GNG7: variants seen among roughly 807,000 people sequenced by gnomAD.
The protein encoded by GNG7 is guanine nucleotide-binding protein G(I)/G(S)/G(O) subunit gamma-7.
In GNG7, 1 loss-of-function variant was observed where a neutral mutation model predicts 4.0. The ratio of observed to expected loss-of-function variants is 0.25; its 90% CI spans 0.09 to 1.18. The LOEUF (loss-of-function observed/expected upper bound fraction) is 1.18, where lower values mean the gene tolerates loss of function less well. Ranked by LOEUF, GNG7 falls within the 50% of genes most tolerant of loss-of-function variation. The probability of loss-of-function intolerance (pLI) is 0.50; values close to 1 mark genes in which losing one functional copy is unlikely to be tolerated. For missense variants in GNG7, 86 were observed against 91.9 expected (o/e 0.94, Z 0.26); for synonymous variants, 34 against 36.9 (o/e 0.92, Z 0.29).
chr19:2,516,911 G>C (rs1030660554), intron 4 of GNG7: 8 of 152,396 alleles, frequency 5.2e-5, no homozygotes, highest in Middle Eastern at 3.4e-3. Context: ...ATGCCTTTGG[G>C]GGTGCCGCTG....
Position 2,633,473 on chromosome 19 carries a change from G to GCA in GNG7, c.-78+12750_-78+12751insTG, listed in dbSNP as rs1491026930. Reference sequence around the variant, plus strand: ...TTCAAGCGGTTGCTTAGCAACAGGCGCGCGCGCGCGCGCGCACACACACAC... The same window carrying GCA: ...TTCAAGCGGTTGCTTAGCAACAGGCGCACGCGCGCGCGCGCGCACACACACAC... On this transcript the variant is annotated intron_variant, in intron 2 of 4. Coordinates refer to ENST00000382159, the MANE Select transcript of GNG7 (RefSeq NM_052847.3). The surrounding 1 kb of genome is among the most constrained non-coding windows in gnomAD (Gnocchi z 5.9). Among the ~76,000 whole-genome samples the GCA allele has an allele frequency of 2.5e-5, 1 of 40,390 alleles. No individual in the cohort carries two copies. The highest frequency in any genetic ancestry group is 5.4e-4 in the East Asian group (1 of 1,848). The allele number at this position is 40,390 out of a possible 152,430, so 26.5% of individuals were successfully genotyped here.
At chr19:2,688,744 T>C (rs1024330691) in intron 1 of GNG7, among the ~76,000 whole-genome samples, 3 of 151,804 alleles carry the variant, frequency 2.0e-5, no homozygotes, top group Non-Finnish European at 4.4e-5. Flanking sequence ...TTAATGACAT[T>C]TGAATAAAGT....
intron 2 of GNG7, among the ~76,000 whole-genome samples, chr19:2,641,597 TG>T (rs1261313863): frequency 6.6e-6 from 1 of 152,080 alleles, no homozygotes; most frequent in Non-Finnish European, 1.5e-5. Flanking sequence ...AAGGAGGGAC[TG>T]GCCTGCCCAC....
At chr19:2,667,321 C>CA (rs1448683439) in intron 1 of GNG7, among the ~76,000 whole-genome samples, 1 of 152,102 alleles carries the variant, frequency 6.6e-6, no homozygotes, top group Admixed American at 6.6e-5. Flanking sequence ...GACTCCCTCT[C>CA]AAAAAACAAA....
chr19:2,691,504 A>G (rs1255933700), intron 1 of GNG7, among the ~76,000 whole-genome samples: 4 of 152,082 alleles, frequency 2.6e-5, no homozygotes, highest in Non-Finnish European at 5.9e-5. Flanking sequence ...AGATTGCATC[A>G]CTACACTCCG....
At position 2,611,628 on chromosome 19, in the gene GNG7, G is replaced by A. The variant is rs1981569370; in HGVS notation, c.-78+34596C>T. 6.6e-6 allele frequency: 1 copy of A among 152,242 alleles called. No individual in the cohort carries two copies. The highest frequency in any genetic ancestry group is 2.4e-5 in the African/African-American group (1 of 41,458). 9.4% of individuals were successfully genotyped at this position (152,242 alleles called of 1,614,324 possible). A position where few individuals can be genotyped will look rare whatever the true frequency, so the allele number is the denominator to read the frequency against. ...AAGGTGGGAGGATAACTTGGGCTCA[G>A]AAGGTCGAGACCAGCCTGGCCAAGA... is the stretch of plus-strand genomic sequence containing the variant. On this transcript the variant is annotated intron_variant, in intron 2 of 4. Transcript: ENST00000382159. This position sits in a 1 kb window ranked among gnomAD's most constrained non-coding sequence, Gnocchi z 6.0.
At chr19:2,655,615 G>A (rs1016192656) in intron 1 of GNG7, among the ~76,000 whole-genome samples, 26 of 151,854 alleles carry the variant, frequency 1.7e-4, no homozygotes, top group African/African-American at 4.4e-4. Context: ...GAGGTGGGCG[G>A]CTCACAAGGT....
At chr19:2,559,618 G>C (rs985669624) in intron 2 of GNG7, among the ~76,000 whole-genome samples, 1 of 152,006 alleles carries the variant, frequency 6.6e-6, no homozygotes, top group Admixed American at 6.6e-5. Flanking sequence ...GGGTTCAAGC[G>C]ATTCTCCTGC....
chr19:2,531,043 C>T (rs758890422), intron 3 of GNG7, among the ~76,000 whole-genome samples: 10 of 151,760 alleles, frequency 6.6e-5, no homozygotes, highest in East Asian at 3.9e-4. Context: ...CAGTGGCTCA[C>T]GCCTGGAATC....
At chr19:2,597,644 C>G (rs1161658311) in intron 2 of GNG7, among the ~76,000 whole-genome samples, 2 of 151,378 alleles carry the variant, frequency 1.3e-5, no homozygotes, top group Non-Finnish European at 2.9e-5. Context: ...CACCTGTAAT[C>G]CCAGCACTTT....
In GNG7 at chr19:2,611,898, G is replaced by T. The variant is rs1418007664; in HGVS notation, c.-78+34326C>A. 2.0e-5 allele frequency: 3 copies of T among 149,516 alleles called. No individual in the cohort carries two copies. The highest frequency in any genetic ancestry group is 4.9e-5 in the African/African-American group (2 of 40,630). 9.3% of individuals were successfully genotyped at this position (149,516 alleles called of 1,614,324 possible). On this transcript the variant is annotated intron_variant, in intron 2 of 4. Coordinates refer to ENST00000382159, the MANE Select transcript of GNG7 (RefSeq NM_052847.3). This position sits in a 1 kb window ranked among gnomAD's most constrained non-coding sequence, Gnocchi z 6.0. ...TAAAAATCTTTTTTTTTTTTGAGAT[G>T]GAGTCTCGCTCTGTCACCAGGCTGA...
chr19:2,515,001 A>C lies in GNG7; in HGVS notation c.*21T>G. The stretch of plus-strand genomic sequence containing the variant: ...GAGAGAGAGAAAGAGAGAGAGAGAG[A>C]GAGAACATATGAGAACACAGTTATA... On this transcript the variant is annotated 3_prime_UTR_variant, in exon 5 of 5. Coordinates refer to ENST00000382159, the MANE Select transcript of GNG7 (RefSeq NM_052847.3). 1 of 1,595,648 alleles carries C rather than the reference A, an allele frequency of 6.3e-7. No individual in the cohort carries two copies. Among genetic ancestry groups the C allele is most frequent in the Non-Finnish European group, 8.6e-7 (1 of 1,163,534 alleles).
intron 1 of GNG7, among the ~76,000 whole-genome samples, chr19:2,684,135 A>ATTT (rs547594113): frequency 8.8e-5 from 11 of 125,332 alleles, no homozygotes; most frequent in African/African-American, 2.8e-4. Context: ...CAGCCTGGCC[A>ATTT]TTTTTTTTTT....
intron 2 of GNG7, among the ~76,000 whole-genome samples, chr19:2,597,895 CAAAAAAA>C (rs71178295): frequency 2.5e-5 from 3 of 118,324 alleles, no homozygotes; most frequent in South Asian, 5.6e-4. Flanking sequence ...GACTCTGTTT[CAAAAAAA>C]AAAAAAAAAA....
At chr19:2,553,536 A>C (rs1487716830) in intron 3 of GNG7, among the ~76,000 whole-genome samples, 1 of 148,766 alleles carries the variant, frequency 6.7e-6, no homozygotes, top group East Asian at 1.9e-4. Context: ...TACATGTAAC[A>C]TCACATTACA....
chr19:2,591,909 G>A (rs1406685474), intron 2 of GNG7, among the ~76,000 whole-genome samples: 1 of 152,150 alleles, frequency 6.6e-6, no homozygotes, highest in Non-Finnish European at 1.5e-5. Flanking sequence ...TAACTGGCTG[G>A]CAAAACTTTT....
intron 1 of GNG7, among the ~76,000 whole-genome samples, chr19:2,697,621 C>T (rs541987110): frequency 2.0e-5 from 3 of 152,292 alleles, no homozygotes; most frequent in East Asian, 1.9e-4. Context: ...GAGAGGCGCC[C>T]GACATCAACA....
chr19:2,615,556 G>A (rs1024184708), intron 2 of GNG7, among the ~76,000 whole-genome samples: 5 of 149,736 alleles, frequency 3.3e-5, no homozygotes, highest in Non-Finnish European at 5.9e-5. Flanking sequence ...TCAGCCTCCT[G>A]GGCTCAAGTG....
At chr19:2,682,407 G>A (rs1983761265) in intron 1 of GNG7, among the ~76,000 whole-genome samples, 1 of 151,724 alleles carries the variant, frequency 6.6e-6, no homozygotes, top group African/African-American at 2.4e-5. Context: ...GCTCACACCT[G>A]TCATCCCAGC....
Sources: allele counts gnomAD v4.1 joint callset (sites outside exome capture counted in the v4.1 genomes callset), GRCh38; gene constraint gnomAD v4.1.1; non-coding constraint Gnocchi (gnomAD v3.1); transcripts MANE v1.5; gene names NCBI Gene and HGNC (gene_info 2026-07-23, HGNC 2026-07-21).